Variants in KCTD1 observed in about 807,000 individuals in gnomAD.
KCTD1 encodes BTB/POZ domain-containing protein KCTD1.
Under a neutral mutation model 66.0 loss-of-function variants are expected in KCTD1, and 24 were observed. The ratio of observed to expected loss-of-function variants is 0.36; its 90% confidence interval spans 0.26 to 0.51. KCTD1 has a LOEUF of 0.51. KCTD1 is among the 20% of genes least tolerant of loss of function. The probability of loss-of-function intolerance (pLI) is 0.95; values close to 1 mark genes in which losing one functional copy is unlikely to be tolerated. For missense variants in KCTD1, 943 were observed against 1,205.2 expected (o/e 0.78, Z 3.22); for synonymous variants, 511 against 517.2 (o/e 0.99, Z 0.16).
At chr18:26,620,773 G>A (rs1195697799) in intron 1 of KCTD1, among the ~76,000 whole-genome samples, 1 of 151,032 alleles carries the variant, frequency 6.6e-6, no homozygotes, top group African/African-American at 2.4e-5. Flanking sequence ...AAAATAAAAG[G>A]TAAGGGTGGT....
chr18:26,588,460 T>A (rs1270789630), intron 1 of KCTD1, among the ~76,000 whole-genome samples: 3 of 152,164 alleles, frequency 2.0e-5, no homozygotes, highest in African/African-American at 7.2e-5. Flanking sequence ...TGAAAATAAT[T>A]TGTACTCTGT....
chr18:26,549,883 C>T (rs1242587218), upstream of KCTD1: 2 of 855,828 alleles, frequency 2.3e-6, no homozygotes, highest in Non-Finnish European at 1.4e-6. Flanking sequence ...CAAACGCCCG[C>T]CCCCGGCGCG....
chr18:26,561,780 A>G (rs1468514865), intron 1 of KCTD1, among the ~76,000 whole-genome samples: 2 of 152,156 alleles, frequency 1.3e-5, no homozygotes, highest in Admixed American at 6.5e-5. Context: ...TCCTGAGCCA[A>G]ACAGTCTCTC....
At chr18:26,652,606 A>T (rs539771994) in intron 1 of KCTD1, among the ~76,000 whole-genome samples, 16 of 152,360 alleles carry the variant, frequency 1.1e-4, no homozygotes, top group Non-Finnish European at 2.1e-4. Context: ...ACTTAGTCAG[A>T]CTTGGATAAA....
chr18:26,557,852 C>A (rs1985744253), intron 1 of KCTD1, among the ~76,000 whole-genome samples: 1 of 152,218 alleles, frequency 6.6e-6, no homozygotes, highest in African/African-American at 2.4e-5. Context: ...TGAAGCTCTG[C>A]AGCTACCTGG....
At chr18:26,565,419 CT>C (rs1985959655) in intron 1 of KCTD1, among the ~76,000 whole-genome samples, 1 of 152,160 alleles carries the variant, frequency 6.6e-6, no homozygotes, top group African/African-American at 2.4e-5. Flanking sequence ...TAAATTCTGT[CT>C]TTGAAAATGA....
At chr18:26,653,234 G>A (rs1223253600) in intron 1 of KCTD1, among the ~76,000 whole-genome samples, 1 of 152,174 alleles carries the variant, frequency 6.6e-6, no homozygotes, top group African/African-American at 2.4e-5. Context: ...CCTGCAGTCT[G>A]CATCACTGCT....
chr18:26,590,590 C>T (rs73403388), intron 1 of KCTD1, among the ~76,000 whole-genome samples: 3,679 of 152,054 alleles, frequency 0.024, 95 homozygotes, highest in African/African-American at 0.067. Context: ...CTTAACCAGG[C>T]CTTCTTTTCT....
At chr18:26,478,758 A>AT (rs201900766) in intron 2 of KCTD1, among the ~76,000 whole-genome samples, 35 of 152,152 alleles carry the variant, frequency 2.3e-4, no homozygotes, top group African/African-American at 6.7e-4. Flanking sequence ...CTCTGTCTCC[A>AT]TTTTTTTTAA....
chr18:26,487,155 A>G (rs755986048), intron 2 of KCTD1, among the ~76,000 whole-genome samples: 2 of 152,172 alleles, frequency 1.3e-5, no homozygotes, highest in Admixed American at 6.5e-5. Flanking sequence ...AAATATCTAC[A>G]GTATTGAAAG....
At chr18:26,613,089 A>T (rs948151092) in intron 1 of KCTD1, among the ~76,000 whole-genome samples, 1 of 152,192 alleles carries the variant, frequency 6.6e-6, no homozygotes, top group Non-Finnish European at 1.5e-5. Flanking sequence ...ACAATGCCTG[A>T]ACTAGTCCCC....
At chr18:26,534,492 T>C (rs1465813807) in intron 1 of KCTD1, among the ~76,000 whole-genome samples, 4 of 152,178 alleles carry the variant, frequency 2.6e-5, no homozygotes, top group Non-Finnish European at 5.9e-5. Flanking sequence ...TGTAATTTTT[T>C]TGGACCCTTT....
chr18:26,575,401 G>A (rs1387327713), intron 1 of KCTD1: 2 of 152,148 alleles, frequency 1.3e-5, no homozygotes, highest in African/African-American at 2.4e-5. Context: ...GTGTGCGTGC[G>A]GGCAGGGTTC....
chr18:26,614,113 CAT>C (rs1404360718), intron 1 of KCTD1, among the ~76,000 whole-genome samples: 2 of 152,256 alleles, frequency 1.3e-5, no homozygotes, highest in East Asian at 1.9e-4. Flanking sequence ...ATCTAACACA[CAT>C]GTGTTTATTT....
In KCTD1 at chr18:26,548,158, G is replaced by C; in HGVS notation, c.379C>G (p.Gln127Glu). 4 of 1,460,198 alleles carry C rather than the reference G, an allele frequency of 2.7e-6. No individual in the cohort carries two copies. Among genetic ancestry groups the C allele is most frequent in the African/African-American group, 1.5e-5 (1 of 68,958 alleles). 90.5% of individuals were successfully genotyped at this position (1,460,198 alleles called of 1,614,324 possible). Residue 127 changes from glutamine (Q) to glutamate (E), a missense_variant, in exon 1 of 5, where the codon CAG becomes GAG. By Grantham distance (29) the Gln-to-Glu change is conservative. This residue lies in a region of KCTD1 where 236 missense variants were observed against 206.6 expected (regional missense o/e 1.14). Coordinates refer to ENST00000580059, the MANE Select transcript of KCTD1 (RefSeq NM_001142730.3). Reference sequence around the variant, plus strand: ...GCCTCGGGCTCCAGCGCGGCGCTCTGGTCCATATTGATCATATGGACCGGC... The same window carrying C: ...GCCTCGGGCTCCAGCGCGGCGCTCTCGTCCATATTGATCATATGGACCGGC... ...PEPVHMINMDQSAALEPEAPP... is the reference protein window; with the variant it reads ...PEPVHMINMDESAALEPEAPP...
At chr18:26,490,339 C>G (rs138351911) in intron 2 of KCTD1, among the ~76,000 whole-genome samples, 2 of 152,138 alleles carry the variant, frequency 1.3e-5, no homozygotes, top group Non-Finnish European at 2.9e-5. Context: ...AGAAGTACCT[C>G]GAGATGACCC....
chr18:26,557,426 C>G (rs1167728303), intron 1 of KCTD1, among the ~76,000 whole-genome samples: 2 of 152,182 alleles, frequency 1.3e-5, no homozygotes, highest in Non-Finnish European at 2.9e-5. Flanking sequence ...TCACTATTAA[C>G]TTTGCTTTCC....
chr18:26,624,680 G>C (rs532665241), intron 1 of KCTD1, among the ~76,000 whole-genome samples: 2 of 152,358 alleles, frequency 1.3e-5, no homozygotes, highest in East Asian at 3.9e-4. Context: ...TTTCCACTAG[G>C]GCAGTGTGGG....
intron 2 of KCTD1, among the ~76,000 whole-genome samples, chr18:26,479,100 A>G (rs1231334150): frequency 6.6e-5 from 10 of 152,256 alleles, no homozygotes; most frequent in Admixed American, 6.5e-5. Flanking sequence ...TTCACTTCCA[A>G]TGTAGTTAAA....
Sources: gnomAD v4.1 joint callset for allele counts (sites outside exome capture counted in the v4.1 genomes callset) on GRCh38, gnomAD v4.1.1 for gene constraint, gnomAD v4.1.1 regional missense constraint, MANE v1.5 for transcripts, NCBI Gene and HGNC (gene_info 2026-07-23, HGNC 2026-07-21) for gene names.